Variants in SYN3 observed in about 807,000 individuals in gnomAD.
SYN3 encodes synapsin III, also known as synapsin-3.
SYN3 carries 35 observed loss-of-function variants against 65.8 expected under a neutral mutation model. The observed-to-expected ratio is 0.53, with a 90% confidence interval of 0.41 to 0.70. SYN3 has a LOEUF of 0.70. Among genes scored for constraint, SYN3 ranks in the 30% least tolerant of loss-of-function variants. The probability of loss-of-function intolerance (pLI) is 0.00; values close to 1 mark genes in which losing one functional copy is unlikely to be tolerated. For missense variants in SYN3, 680 were observed against 749.0 expected, an observed-to-expected ratio of 0.91 and a Z score of 1.08; for synonymous variants, 270 against 292.9, an observed-to-expected ratio of 0.92 and a Z score of 0.80.
intron 6 of SYN3, among the ~76,000 whole-genome samples, chr22:32,681,643 C>A (rs2060524183): frequency 2.0e-5 from 3 of 152,202 alleles, no homozygotes; most frequent in African/African-American, 7.2e-5. Context: ...GCTGCTGACT[C>A]AATCCACCAT....
At chr22:32,874,948 T>C (rs1310433144) in intron 4 of SYN3, among the ~76,000 whole-genome samples, 2 of 152,112 alleles carry the variant, frequency 1.3e-5, no homozygotes. Flanking sequence ...ATTCAAAACA[T>C]TGAAACAAGC....
In SYN3 at chr22:32,513,623, G is replaced by A; in HGVS notation, c.*69C>T. On this transcript the variant is annotated 3_prime_UTR_variant, in exon 14 of 14. Coordinates refer to ENST00000358763, the MANE Select transcript of SYN3 (RefSeq NM_003490.4). The stretch of plus-strand genomic sequence containing the variant: ...TCTGTTCCCATCAGGAACCAAGGCT[G>A]AGAAGGAAGATGAGGCAGGAGGGGG... 5 of 1,581,476 alleles carry A rather than the reference G, an allele frequency of 3.2e-6. No individual in the cohort carries two copies. The highest frequency in any genetic ancestry group is 2.2e-5 in the East Asian group (1 of 44,450).
intron 6 of SYN3, among the ~76,000 whole-genome samples, chr22:32,780,160 CT>C (rs2046004775): frequency 6.6e-6 from 1 of 151,486 alleles, no homozygotes; most frequent in Non-Finnish European, 1.5e-5. Context: ...CTCTGCTTTT[CT>C]TTGTGTACCT....
intron 6 of SYN3, among the ~76,000 whole-genome samples, chr22:32,708,342 C>T (rs1418239450): frequency 6.6e-6 from 1 of 152,190 alleles, no homozygotes; most frequent in Admixed American, 6.5e-5. Context: ...GACAATGCAG[C>T]CCCTTCTTGC....
At chr22:32,929,423 T>G (rs564427586) in intron 4 of SYN3, among the ~76,000 whole-genome samples, 40 of 152,340 alleles carry the variant, frequency 2.6e-4, no homozygotes, top group African/African-American at 9.4e-4. Context: ...ATGTCTTCTG[T>G]CTTTGAGGTT....
intron 2 of SYN3, among the ~76,000 whole-genome samples, chr22:32,995,129 G>A (rs2052841069): frequency 2.0e-5 from 3 of 152,160 alleles, no homozygotes; most frequent in Non-Finnish European, 4.4e-5. Context: ...CCCTGCTGGT[G>A]GCGGACAGCC....
At position 32,868,954 on chromosome 22, in the gene SYN3, C is replaced by A. The variant is rs769044821; in HGVS notation, c.621+12G>T. ...CCCAGATCCCTCCAGGTCAGCCTGCCCTGTCACCTACCACCCAGGGCTTGC... is the reference window on the plus strand; with the variant it reads ...CCCAGATCCCTCCAGGTCAGCCTGCACTGTCACCTACCACCCAGGGCTTGC... On this transcript the variant is annotated intron_variant, in intron 5 of 13. Coordinates refer to ENST00000358763, the MANE Select transcript of SYN3 (RefSeq NM_003490.4). 15 of 1,612,506 alleles carry A rather than the reference C, an allele frequency of 9.3e-6. No homozygotes were observed. The highest frequency in any genetic ancestry group is 1.0e-5 in the Non-Finnish European group (12 of 1,179,110).
rs894455871 is a variant in SYN3, at chr22:32,508,077, G to A, written c.*5615C>T. ...TAATATAAGAAGGCAGGAATGTCAG[G>A]CCTCTGAGCCCAAGCCAAGCCATCG... On this transcript the variant is annotated 3_prime_UTR_variant, in exon 14 of 14. Transcript: ENST00000358763. 1.3e-5 allele frequency among the ~76,000 whole-genome samples: 2 copies of A among 152,038 alleles called. No individual in the cohort carries two copies. Among genetic ancestry groups the A allele is most frequent in the African/African-American group, 4.8e-5 (2 of 41,368 alleles).
At chr22:32,648,444 G>A (rs528415414) in intron 6 of SYN3, among the ~76,000 whole-genome samples, 2 of 152,278 alleles carry the variant, frequency 1.3e-5, no homozygotes, top group South Asian at 2.1e-4. Flanking sequence ...ATGAATTACA[G>A]TATACACAGT....
In SYN3 at chr22:32,522,423, C is replaced by T. The variant is rs187387286; in HGVS notation, c.1319-4089G>A. 2.9e-3 allele frequency among the ~76,000 whole-genome samples: 447 copies of T among 152,276 alleles called. 13 individuals carry two copies. Among genetic ancestry groups the T allele is most frequent in the Admixed American group, 0.024 (369 of 15,298 alleles). On this transcript the variant is annotated intron_variant, in intron 12 of 13. Transcript: ENST00000358763. ...AATACAGTAGCTCTCTGTTTTAAAA[C>T]GGCTCTGTTCAAATGTGCTTTTAAA...
intron 4 of SYN3, among the ~76,000 whole-genome samples, chr22:32,894,908 A>C (rs1410578630): frequency 6.6e-6 from 1 of 152,222 alleles, no homozygotes; most frequent in Non-Finnish European, 1.5e-5. Flanking sequence ...GATAATGCCA[A>C]TATTTCAGGT....
chr22:32,767,526 T>C (rs1482883375), intron 6 of SYN3, among the ~76,000 whole-genome samples: 1 of 152,240 alleles, frequency 6.6e-6, no homozygotes, highest in Non-Finnish European at 1.5e-5. Context: ...CTATGGATGG[T>C]ATCCTAGGGT....
At chr22:32,576,576 C>A (rs2058854003) in intron 7 of SYN3, among the ~76,000 whole-genome samples, 1 of 152,120 alleles carries the variant, frequency 6.6e-6, no homozygotes, top group African/African-American at 2.4e-5. Flanking sequence ...CCCTTCAAGC[C>A]ATTTTTTCTT....
intron 6 of SYN3, among the ~76,000 whole-genome samples, chr22:32,649,029 C>T (rs979364866): frequency 3.3e-5 from 5 of 152,196 alleles, no homozygotes; most frequent in Non-Finnish European, 7.3e-5. Context: ...TATCATCGTT[C>T]CTAATTCTTC....
chr22:32,859,441 C>T, intron 6 of SYN3: 3 of 1,544,804 alleles, frequency 1.9e-6, no homozygotes, highest in Non-Finnish European at 2.6e-6. Context: ...GACACTAACT[C>T]TTCCCAGATG....
At chr22:32,532,587 G>A (rs571355449) in intron 10 of SYN3, among the ~76,000 whole-genome samples, 2 of 22,694 alleles carry the variant, frequency 8.8e-5, no homozygotes, top group East Asian at 3.9e-3. Context: ...GAGGAGAGAG[G>A]GGCTGTGTTC....
intron 1 of SYN3, among the ~76,000 whole-genome samples, chr22:33,029,173 CT>C (rs133973): frequency 0.33 from 47,454 of 143,896 alleles, 9,673 homozygotes; most frequent in African/African-American, 0.6. Flanking sequence ...CCAAAGATGA[CT>C]TTTTTTTTTT....
intron 1 of SYN3, among the ~76,000 whole-genome samples, chr22:33,032,961 C>T (rs2053780684): frequency 6.6e-6 from 1 of 152,088 alleles, no homozygotes; most frequent in African/African-American, 2.4e-5. Context: ...CACACGTTCT[C>T]AGGGCCTCTC....
At chr22:32,660,314 G>A (rs4820088) in intron 6 of SYN3, among the ~76,000 whole-genome samples, 39,955 of 152,124 alleles carry the variant, frequency 0.26, 6,969 homozygotes, top group East Asian at 0.68. Context: ...ATAAGTAGCC[G>A]TGCCAAACCT....
Sources: gnomAD v4.1 joint callset for allele counts (sites outside exome capture counted in the v4.1 genomes callset) on GRCh38, gnomAD v4.1.1 for gene constraint, MANE v1.5 for transcripts, NCBI Gene and HGNC (gene_info 2026-07-23, HGNC 2026-07-21) for gene names.